Variants in SCN7A observed in about 807,000 individuals in gnomAD.
SCN7A encodes the protein sodium voltage-gated channel alpha subunit 7, also known as sodium channel protein type 7 subunit alpha.
SCN7A carries 138 observed loss-of-function variants against 155.2 expected under a neutral mutation model. The ratio of observed to expected loss-of-function variants is 0.89; its 90% CI spans 0.77 to 1.02. SCN7A has a LOEUF of 1.02. Ranked by LOEUF, SCN7A falls within the 50% of genes least tolerant of loss-of-function variation. SCN7A has a pLI of 0.00. For synonymous variants in SCN7A, 693 were observed against 649.0 expected (o/e 1.07, Z -1.03); for missense variants, 2,058 against 1,986.6 (o/e 1.04, Z -0.68).
intron 11 of SCN7A, among the ~76,000 whole-genome samples, chr2:166,452,023 A>C (rs1702186640): frequency 6.6e-6 from 1 of 152,168 alleles, no homozygotes; most frequent in South Asian, 2.1e-4. Context: ...AAAATTAGTA[A>C]TTCCTTAATA....
intron 2 of SCN7A, among the ~76,000 whole-genome samples, chr2:166,479,833 A>G (rs921080819): frequency 3.9e-5 from 6 of 152,146 alleles, no homozygotes; most frequent in African/African-American, 1.2e-4. Flanking sequence ...CAAGTCCCTC[A>G]AGAAATGTTT....
chr2:166,490,596 C>G (rs1021895723), intron 1 of SCN7A, among the ~76,000 whole-genome samples: 14 of 152,032 alleles, frequency 9.2e-5, no homozygotes, highest in African/African-American at 3.4e-4. Context: ...GCTATTCGGA[C>G]TTTTAAAAAA....
intron 9 of SCN7A, among the ~76,000 whole-genome samples, chr2:166,464,117 TGTATATATAC>T (rs1280447452): frequency 1.3e-5 from 2 of 151,574 alleles, no homozygotes; most frequent in Non-Finnish European, 2.9e-5. Context: ...CATACATATG[TGTATATATAC>T]GTATATATAC....
intron 3 of SCN7A, among the ~76,000 whole-genome samples, chr2:166,475,137 T>TATATACATATATATATATAC (rs1553520569): frequency 7.5e-6 from 1 of 133,868 alleles, no homozygotes; most frequent in Non-Finnish European, 1.6e-5. Context: ...TATATATATA[T>TATATACATATATATATATAC]ACACACACAC....
chr2:166,421,354 T>G (rs1000700585), intron 19 of SCN7A, 57 bp from the exon 20 acceptor site: 22 of 1,009,734 alleles, frequency 2.2e-5, no homozygotes, highest in Non-Finnish European at 2.9e-5. Context: ...CAAAATAACA[T>G]GTAAAATAAA....
rs1369249354 is a variant in SCN7A, at chr2:166,427,899, G to T, written c.2742C>A (p.Ser914=). The change falls in exon 18 of 26, where the codon TCC becomes TCA. Residue 914 remains serine, a synonymous_variant. Coordinates refer to ENST00000643258, the MANE Select transcript of SCN7A (RefSeq NM_002976.4). ...GSSLGQISGA[S]KKGKIWQNIR... is the part of the protein sequence containing the mutation. ...TGTTCTGCCAGATTTTTCCTTTCTTGGATGCTCCACTGATTTGACCAAGTG... is the reference window on the plus strand; with the variant it reads ...TGTTCTGCCAGATTTTTCCTTTCTTTGATGCTCCACTGATTTGACCAAGTG... The T allele has an allele frequency of 1.2e-6, 2 of 1,612,658 alleles. No individual in the cohort carries two copies. The highest frequency in any genetic ancestry group is 3.3e-5 in the Admixed American group (2 of 59,800).
chr2:166,421,215 ACTCTGAGGGG>A lies in SCN7A; in HGVS notation c.3100_3109del (p.Pro1034PhefsTer8), dbSNP rs775438833. On this transcript the variant is annotated frameshift_variant, in exon 20 of 26. Coordinates refer to ENST00000643258, the MANE Select transcript of SCN7A (RefSeq NM_002976.4). LOFTEE classifies it high-confidence loss of function. ...CTTCATTCTTTCAAATTGAGATAGA[ACTCTGAGGGG>A]CCGAAGGAATTTCATGGAAATAAGA... 4 of 1,535,614 alleles carry A rather than the reference ACTCTGAGGGG, an allele frequency of 2.6e-6. No individual in the cohort carries two copies. In the South Asian group the frequency reaches 5.0e-5, roughly 19 times the overall value.
chr2:166,431,984 G>T (rs1037610889), intron 16 of SCN7A, among the ~76,000 whole-genome samples: 3 of 151,870 alleles, frequency 2.0e-5, no homozygotes, highest in Admixed American at 6.6e-5. Flanking sequence ...CCCTCAAACT[G>T]CCTGGTTATT....
At chr2:166,453,142 A>G (rs1702207807) in intron 11 of SCN7A, among the ~76,000 whole-genome samples, 1 of 152,174 alleles carries the variant, frequency 6.6e-6, no homozygotes, top group Non-Finnish European at 1.5e-5. Flanking sequence ...GGCTAGTTCT[A>G]CATTTCCCAC....
chr2:166,470,600 A>T lies in SCN7A; in HGVS notation c.664+15T>A. The T allele has an allele frequency of 6.3e-7, 1 of 1,585,696 alleles. No homozygotes were observed. Among genetic ancestry groups the T allele is most frequent in the Non-Finnish European group, 8.6e-7 (1 of 1,162,490 alleles). ...AAAACAAAATGAAGAAAAGACATTCAATGCAATTTCTTACCTTGATTTAAA... is the reference window on the plus strand; with the variant it reads ...AAAACAAAATGAAGAAAAGACATTCTATGCAATTTCTTACCTTGATTTAAA... On this transcript the variant is annotated intron_variant, in intron 7 of 25. Coordinates refer to ENST00000643258, the MANE Select transcript of SCN7A (RefSeq NM_002976.4).
chr2:166,483,023 A>C (rs993474456), intron 2 of SCN7A, among the ~76,000 whole-genome samples: 4 of 152,080 alleles, frequency 2.6e-5, no homozygotes, highest in African/African-American at 9.7e-5. Context: ...GAATAGCTAA[A>C]GTAAGCTTTT....
At position 166,441,644 on chromosome 2, in the gene SCN7A, A is replaced by G; in HGVS notation, c.1909T>C (p.Phe637Leu). ...CCGAATGCAGCAGAAAAGAAGATGA[A>G]TGTGAACAACAACAGGACCAAGTCT... is the stretch of plus-strand genomic sequence containing the variant. ...LKDLVLLLFTFIFFSAAFGMK... is the reference protein window; with the variant it reads ...LKDLVLLLFTLIFFSAAFGMK... Residue 637 changes from phenylalanine (F) to leucine (L), a missense_variant, in exon 15 of 26, where the codon TTC becomes CTC. Physicochemically the swap from Phe to Leu is conservative, Grantham distance 22 (BLOSUM62 0). Transcript: ENST00000643258. 6.2e-7 allele frequency: 1 copy of G among 1,613,922 alleles called. No homozygotes were observed. Among genetic ancestry groups the G allele is most frequent in the Non-Finnish European group, 8.5e-7 (1 of 1,179,812 alleles).
At chr2:166,459,684 C>T (rs1370704251) in intron 10 of SCN7A, among the ~76,000 whole-genome samples, 4 of 152,112 alleles carry the variant, frequency 2.6e-5, no homozygotes, top group African/African-American at 9.7e-5. Flanking sequence ...TCAGTAAAAA[C>T]TTGGAGTACA....
chr2:166,470,601 A>G lies in SCN7A; in HGVS notation c.664+14T>C, dbSNP rs180794290. The stretch of plus-strand genomic sequence containing the variant: ...AAACAAAATGAAGAAAAGACATTCA[A>G]TGCAATTTCTTACCTTGATTTAAAG... On this transcript the variant is annotated intron_variant, in intron 7 of 25. Transcript: ENST00000643258. The G allele has an allele frequency of 2.0e-5, 32 of 1,587,800 alleles. No homozygotes were observed. In the Admixed American group the frequency reaches 2.1e-4, roughly 10 times the overall value.
chr2:166,440,081 T>G (rs556525599), intron 15 of SCN7A, among the ~76,000 whole-genome samples: 35 of 152,328 alleles, frequency 2.3e-4, no homozygotes, highest in East Asian at 7.7e-4. Flanking sequence ...TTAGAACCAC[T>G]TCAGTTATTA....
Position 166,406,574 on chromosome 2 carries a change from C to A in SCN7A, c.4055G>T (p.Arg1352Leu). Reference sequence around the variant, plus strand: ...TCCAAGACGCAGCATGTGAATGATCCGTGAGAGAAGTATCAGTTGCACAAG... The same window carrying A: ...TCCAAGACGCAGCATGTGAATGATCAGTGAGAGAAGTATCAGTTGCACAAG... Reference protein sequence around the residue: ...PSLVQLILLSRIIHMLRLGKG... With the variant: ...PSLVQLILLSLIIHMLRLGKG... The change falls in exon 26 of 26, where the codon CGG (arginine) becomes CTG (leucine). Residue 1352 changes from arginine (R) to leucine (L), a missense_variant. Physicochemically the swap from Arg to Leu is moderately radical, Grantham distance 102. Coordinates refer to ENST00000643258, the MANE Select transcript of SCN7A (RefSeq NM_002976.4). The A allele has an allele frequency of 1.2e-6, 2 of 1,612,468 alleles. No individual in the cohort carries two copies. Among genetic ancestry groups the A allele is most frequent in the Non-Finnish European group, 1.7e-6 (2 of 1,179,096 alleles).
chr2:166,466,787 G>T (rs1444874714), intron 7 of SCN7A, among the ~76,000 whole-genome samples: 1 of 151,824 alleles, frequency 6.6e-6, no homozygotes, highest in Non-Finnish European at 1.5e-5. Flanking sequence ...CTAACTCTGT[G>T]ATGTTAACTA....
At chr2:166,463,809 A>G (rs1470734821) in intron 9 of SCN7A, among the ~76,000 whole-genome samples, 1 of 152,104 alleles carries the variant, frequency 6.6e-6, no homozygotes, top group Non-Finnish European at 1.5e-5. Flanking sequence ...TACACTCAGC[A>G]CTTTGGGAGG....
chr2:166,436,502 C>A, intron 15 of SCN7A: 1 of 328,546 alleles, frequency 3.0e-6, no homozygotes, highest in Non-Finnish European at 6.3e-6. Context: ...TTGGTTACAC[C>A]CTTATTAGCA....
Sources: gnomAD v4.1 joint callset for allele counts (sites outside exome capture counted in the v4.1 genomes callset) on GRCh38, gnomAD v4.1.1 for gene constraint, MANE v1.5 for transcripts, NCBI Gene and HGNC (gene_info 2026-07-23, HGNC 2026-07-21) for gene names.